The following ATG4D variants were observed in gnomAD, a reference collection of about 807,000 sequenced individuals.
ATG4D encodes autophagy related 4D cysteine peptidase.
A neutral mutation model predicts 55.2 loss-of-function variants in ATG4D; 51 were observed. The ratio of observed to expected loss-of-function variants is 0.92; its 90% CI spans 0.74 to 1.17. The LOEUF is 1.17. Ranked by LOEUF, ATG4D falls within the 50% of genes most tolerant of loss-of-function variation. The pLI is 0.00. For synonymous variants in ATG4D, 268 were observed against 266.2 expected, an observed-to-expected ratio of 1.01 and a Z score of -0.07; for missense variants, 635 against 649.6, an observed-to-expected ratio of 0.98 and a Z score of 0.25.
chr19:10,547,699 A>G (rs1303246706), intron 5 of ATG4D, among the ~76,000 whole-genome samples: 1 of 147,764 alleles, frequency 6.8e-6, no homozygotes, highest in Non-Finnish European at 1.5e-5. Flanking sequence ...TTGGGAGGCC[A>G]AGGTGGGTGG....
At position 10,551,944 on chromosome 19, in the gene ATG4D, G is replaced by A. The variant is rs757850708; in HGVS notation, c.1014G>A (p.Pro338=). The part of the protein sequence containing the change: ...ELCLGIMGGK[P]RHSLYFIGYQ... ...GCCTGGGCATCATGGGTGGGAAACCGCGACACTCACTGTACTTCATTGGCT... is the reference window on the plus strand; with the variant it reads ...GCCTGGGCATCATGGGTGGGAAACCACGACACTCACTGTACTTCATTGGCT... Residue 338 remains proline (P), a synonymous_variant, in exon 7 of 10, where the codon CCG becomes CCA. Coordinates refer to ENST00000309469, the MANE Select transcript of ATG4D (RefSeq NM_032885.6). 22 of 1,613,686 alleles carry A rather than the reference G, an allele frequency of 1.4e-5. No individual in the cohort carries two copies. The highest frequency in any genetic ancestry group is 3.4e-4 in the Middle Eastern group (2 of 5,942).
chr19:10,544,817 G>C lies in ATG4D; in HGVS notation c.270G>C (p.Lys90Asn). Residue 90 changes from lysine to asparagine, a missense_variant, in exon 2 of 10, where the codon AAG becomes AAC. By Grantham distance (94) the Lys-to-Asn change is moderately conservative. Coordinates refer to ENST00000309469, the MANE Select transcript of ATG4D (RefSeq NM_032885.6). Reference protein sequence around the residue: ...WVVKSRTSFSKISSIHLCGRR... With the variant: ...WVVKSRTSFSNISSIHLCGRR... Reference sequence around the variant, plus strand: ...TTAAAAGCCGGACCAGCTTTAGCAAGATCTCCAGCATCCACCTCTGTGGCC... The same window carrying C: ...TTAAAAGCCGGACCAGCTTTAGCAACATCTCCAGCATCCACCTCTGTGGCC... The C allele has an allele frequency of 6.2e-7, 1 of 1,614,152 alleles. No individual in the cohort carries two copies. Among genetic ancestry groups the C allele is most frequent in the Non-Finnish European group, 8.5e-7 (1 of 1,179,992 alleles).
In ATG4D at chr19:10,552,243, C is replaced by G; in HGVS notation, c.1161C>G (p.Ala387=). The change falls in exon 9 of 10, where the codon GCC becomes GCG. Residue 387 remains alanine, a synonymous_variant. Coordinates refer to ENST00000309469, the MANE Select transcript of ATG4D (RefSeq NM_032885.6). ...HCTSPRKMAF[A]KMDPSCTVGF... ...CCTCGCCCCGCAAGATGGCCTTTGC[C>G]AAGATGGACCCAAGCTGTACCGTGG... The G allele has an allele frequency of 2.5e-6, 4 of 1,613,566 alleles. No individual in the cohort carries two copies. Among genetic ancestry groups the G allele is most frequent in the Non-Finnish European group, 3.4e-6 (4 of 1,180,020 alleles).
chr19:10,553,092 C>A lies in ATG4D; in HGVS notation c.*25C>A. The A allele has an allele frequency of 6.4e-7, 1 of 1,569,082 alleles. No individual in the cohort carries two copies. The highest frequency in any genetic ancestry group is 8.6e-7 in the Non-Finnish European group (1 of 1,158,724). ...AAGGGAGGGGATGAGGGGAAAGATACAACACTATTTATTTTTTTATTTATG... is the reference window on the plus strand; with the variant it reads ...AAGGGAGGGGATGAGGGGAAAGATAAAACACTATTTATTTTTTTATTTATG... On this transcript the variant is annotated 3_prime_UTR_variant, in exon 10 of 10. Transcript: ENST00000309469.
chr19:10,544,403 C>T, intron 1 of ATG4D, 78 bp downstream of exon 1: 1 of 1,216,608 alleles, frequency 8.2e-7, no homozygotes. Context: ...CCAGTTATCC[C>T]ACCCTTGTTC....
At position 10,544,377 on chromosome 19, in the gene ATG4D, C is replaced by G. The variant is rs760664821; in HGVS notation, c.235+52C>G. The stretch of plus-strand genomic sequence containing the variant: ...GGGTGTCGGGGGCCGTTGAGGAAAA[C>G]CAGACCCCGGTCCTGCCAGTTATCC... On this transcript the variant is annotated intron_variant, in intron 1 of 9. Transcript: ENST00000309469. The G allele has an allele frequency of 7.1e-6, 9 of 1,270,886 alleles. No individual in the cohort carries two copies. The East Asian group carries it at 2.7e-4, about 38-fold the overall frequency. 78.7% of individuals were successfully genotyped at this position (1,270,886 alleles called of 1,614,324 possible).
Position 10,552,117 on chromosome 19 carries a change from T to G in ATG4D, c.1118T>G (p.Leu373Arg). The G allele has an allele frequency of 6.2e-7, 1 of 1,611,482 alleles. No homozygotes were observed. Among genetic ancestry groups the G allele is most frequent in the Non-Finnish European group, 8.5e-7 (1 of 1,179,916 alleles). ...TVDVSQADFP[L>R]ESFHCTSPRK... ...GATGTCAGCCAGGCCGACTTCCCCC[T>G]GGAGGTGAGTGGGAGCCCCAGTGTG... The change falls in exon 8 of 10, where the codon CTG (leucine) becomes CGG (arginine). Residue 373 changes from leucine (L) to arginine (R), a missense_variant. Transcript: ENST00000309469.
chr19:10,550,857 G>A (rs1184002899), intron 6 of ATG4D, among the ~76,000 whole-genome samples: 13 of 151,854 alleles, frequency 8.6e-5, no homozygotes, highest in African/African-American at 1.7e-4. Flanking sequence ...GACTACAGGC[G>A]TCCGCCACCA....
At chr19:10,545,527 G>A (rs985572483) in intron 3 of ATG4D, among the ~76,000 whole-genome samples, 4 of 151,414 alleles carry the variant, frequency 2.6e-5, no homozygotes, top group Non-Finnish European at 4.4e-5. Context: ...AGCCAAGATC[G>A]CACCACTGCA....
chr19:10,543,929 G>A lies in ATG4D; in HGVS notation c.-162G>A. On this transcript the variant is annotated 5_prime_UTR_variant, in exon 1 of 10. Transcript: ENST00000309469. ...GTCCTGGCCCGCTAAGATGGCGATG[G>A]CTGCGGTAGCAGCGGCGGCGGCTGT... 2.4e-6 allele frequency: 1 copy of A among 422,656 alleles called. No individual in the cohort carries two copies. Among genetic ancestry groups the A allele is most frequent in the East Asian group, 3.8e-5 (1 of 26,282 alleles). 26.2% of individuals were successfully genotyped at this position (422,656 alleles called of 1,614,324 possible). A position where few individuals can be genotyped will look rare whatever the true frequency, so the allele number is the denominator to read the frequency against.
intron 6 of ATG4D, among the ~76,000 whole-genome samples, chr19:10,551,685 G>A (rs1283589334): frequency 4.5e-5 from 6 of 133,806 alleles, no homozygotes; most frequent in East Asian, 2.1e-4. Context: ...GTGACAGAGT[G>A]AGACTCCGTC....
intron 5 of ATG4D, among the ~76,000 whole-genome samples, chr19:10,547,505 GTA>G (rs983434738): frequency 2.0e-5 from 3 of 151,328 alleles, no homozygotes; most frequent in Non-Finnish European, 2.9e-5. Flanking sequence ...GGCACATACT[GTA>G]GTCTCAGCTA....
At chr19:10,547,336 C>T in intron 5 of ATG4D, 83 bp downstream of exon 5, 1 of 1,513,506 alleles carries the variant, frequency 6.6e-7, no homozygotes, top group Middle Eastern at 1.7e-4. Context: ...GCATCTTCCT[C>T]AGAGGCTGGA....
chr19:10,552,778 C>T, intron 9 of ATG4D, 107 bp from the exon 10 acceptor site: 3 of 1,214,820 alleles, frequency 2.5e-6, no homozygotes, highest in Non-Finnish European at 2.3e-6. Flanking sequence ...TGATTGGCTG[C>T]TCTCTCCTGG....
At chr19:10,546,086 TG>T (rs1916021284) in intron 3 of ATG4D, among the ~76,000 whole-genome samples, 1 of 152,076 alleles carries the variant, frequency 6.6e-6, no homozygotes, top group Non-Finnish European at 1.5e-5. Flanking sequence ...ATTAGGAGGC[TG>T]AGGCAGGAGG....
chr19:10,553,196 C>A lies in ATG4D; in HGVS notation c.*129C>A. ...GTCAGCCCCTCAAGCCCAGCTGCAA[C>A]CAGTCTGGGGCCATTCAGCCAGGGA... On this transcript the variant is annotated 3_prime_UTR_variant, in exon 10 of 10. Transcript: ENST00000309469. The A allele has an allele frequency of 8.4e-7, 1 of 1,190,948 alleles. No individual in the cohort carries two copies. The highest frequency in any genetic ancestry group is 1.1e-6 in the Non-Finnish European group (1 of 869,924). The allele number at this position is 1,190,948 out of a possible 1,614,324, so 73.8% of individuals were successfully genotyped here.
intron 3 of ATG4D, 69 bp from the exon 4 acceptor site, chr19:10,546,770 T>C: frequency 6.8e-7 from 1 of 1,463,748 alleles, no homozygotes; most frequent in African/African-American, 1.4e-5. Context: ...TTGTGTGCGG[T>C]GCATGTGTAG....
In ATG4D at chr19:10,553,315, G is replaced by A. The variant is rs1467836335; in HGVS notation, c.*248G>A. On this transcript the variant is annotated 3_prime_UTR_variant, in exon 10 of 10. Coordinates refer to ENST00000309469, the MANE Select transcript of ATG4D (RefSeq NM_032885.6). The stretch of plus-strand genomic sequence containing the variant: ...ACCCCGGGCACCCCCCTCAGGGCCT[G>A]ACTCACGTACTGTAGTTTGCACTGG... 4 of 500,092 alleles carry A rather than the reference G, an allele frequency of 8.0e-6. No individual in the cohort carries two copies. Among genetic ancestry groups the A allele is most frequent in the Non-Finnish European group, 1.4e-5 (4 of 280,858 alleles). 31.0% of individuals were successfully genotyped at this position (500,092 alleles called of 1,614,324 possible).
intron 6 of ATG4D, 35 bp from the exon 7 acceptor site, chr19:10,551,856 AGTGGCT>A (rs1395806142): frequency 6.2e-7 from 1 of 1,603,164 alleles, no homozygotes; most frequent in Non-Finnish European, 8.5e-7. Context: ...GCGTTTGTTG[AGTGGCT>A]GCCTGACAGC....
Sources: gnomAD v4.1 joint callset for allele counts (sites outside exome capture counted in the v4.1 genomes callset) on GRCh38, gnomAD v4.1.1 for gene constraint, MANE v1.5 for transcripts, NCBI Gene and HGNC (gene_info 2026-07-23, HGNC 2026-07-21) for gene names.